FBXL7: variants seen among roughly 807,000 people sequenced by gnomAD.
The protein encoded by FBXL7 is F-box/LRR-repeat protein 7.
A neutral mutation model predicts 38.3 loss-of-function variants in FBXL7; 12 were observed. That is an observed-to-expected ratio of 0.31 (90% CI 0.20 to 0.51). FBXL7 has a LOEUF of 0.51. Among genes scored for constraint, FBXL7 ranks in the 20% least tolerant of loss-of-function variants. The pLI is 0.98. For synonymous variants in FBXL7, 297 were observed against 300.9 expected, an observed-to-expected ratio of 0.99 and a Z score of 0.13; for missense variants, 567 against 676.4, an observed-to-expected ratio of 0.84 and a Z score of 1.79.
intron 1 of FBXL7, among the ~76,000 whole-genome samples, chr5:15,553,874 C>A (rs1738157080): frequency 6.6e-6 from 1 of 152,164 alleles, no homozygotes; most frequent in Non-Finnish European, 1.5e-5. Flanking sequence ...TGCTCCTGTT[C>A]TTCAGCTCTT....
Position 15,936,596 on chromosome 5 carries a change from C to T in FBXL7, c.886C>T (p.His296Tyr), listed in dbSNP as rs1742194874. ...CGAAGGCCTGCACACCATCGCGGCG[C>T]ACTGCACGCAGCTCACCCACCTCTA... ...EDEGLHTIAA[H>Y]CTQLTHLYLR... is the part of the protein sequence containing the mutation. The change falls in exon 4 of 4, where the codon CAC becomes TAC. Residue 296 changes from histidine (H) to tyrosine (Y), a missense_variant. By Grantham distance (83) the His-to-Tyr change is moderately conservative (BLOSUM62 2). Coordinates refer to ENST00000504595, the MANE Select transcript of FBXL7 (RefSeq NM_012304.5). This position sits in a 1 kb window ranked among gnomAD's most constrained non-coding sequence, Gnocchi z 6.0. The T allele has an allele frequency of 6.2e-7, 1 of 1,611,364 alleles. No individual in the cohort carries two copies. Among genetic ancestry groups the T allele is most frequent in the South Asian group, 1.1e-5 (1 of 91,076 alleles).
intron 2 of FBXL7, among the ~76,000 whole-genome samples, chr5:15,693,247 C>G (rs1309269134): frequency 1.3e-5 from 2 of 152,104 alleles, no homozygotes; most frequent in African/African-American, 4.8e-5. Flanking sequence ...AGAGCCTGGA[C>G]CACTGGAATG....
At chr5:15,719,282 T>C (rs1274774407) in intron 2 of FBXL7, among the ~76,000 whole-genome samples, 1 of 152,192 alleles carries the variant, frequency 6.6e-6, no homozygotes, top group Non-Finnish European at 1.5e-5. Context: ...CTCTTGTCGT[T>C]CTGTATCCTA....
chr5:15,659,461 C>T (rs1324676250), intron 2 of FBXL7, among the ~76,000 whole-genome samples: 1 of 152,180 alleles, frequency 6.6e-6, no homozygotes, highest in African/African-American at 2.4e-5. Flanking sequence ...GCTTAGGGCC[C>T]TGTGACCTGA....
At chr5:15,626,125 T>C (rs1395135413) in intron 2 of FBXL7, among the ~76,000 whole-genome samples, 2 of 152,158 alleles carry the variant, frequency 1.3e-5, no homozygotes, top group African/African-American at 4.8e-5. Context: ...CTCAGGATCA[T>C]TTAGGAAAGC....
At chr5:15,629,902 G>C (rs977770118) in intron 2 of FBXL7, among the ~76,000 whole-genome samples, 6 of 152,142 alleles carry the variant, frequency 3.9e-5, no homozygotes, top group Non-Finnish European at 8.8e-5. Context: ...ATAAATGAGA[G>C]ATGTAGTTAC....
intron 2 of FBXL7, among the ~76,000 whole-genome samples, chr5:15,734,263 C>A (rs1735691074): frequency 6.6e-6 from 1 of 152,242 alleles, no homozygotes; most frequent in South Asian, 2.1e-4. Flanking sequence ...TGCTGCCTCA[C>A]CGTGGCGCTG....
chr5:15,639,373 G>A (rs928810493), intron 2 of FBXL7, among the ~76,000 whole-genome samples: 1 of 152,114 alleles, frequency 6.6e-6, no homozygotes, highest in Non-Finnish European at 1.5e-5. Context: ...TTGAATCATG[G>A]GGGTGGGTCT....
chr5:15,632,592 A>G (rs951097396), intron 2 of FBXL7, among the ~76,000 whole-genome samples: 1 of 152,212 alleles, frequency 6.6e-6, no homozygotes, highest in Non-Finnish European at 1.5e-5. Context: ...AGCACTATTC[A>G]TAGTAGCAAA....
At chr5:15,597,837 A>C (rs1403290687) in intron 1 of FBXL7, among the ~76,000 whole-genome samples, 1 of 152,226 alleles carries the variant, frequency 6.6e-6, no homozygotes, top group African/African-American at 2.4e-5. Context: ...AATAACAGCT[A>C]TCCCTGGACT....
intron 2 of FBXL7, among the ~76,000 whole-genome samples, chr5:15,840,845 CAAAAAAAA>C (rs34448584): frequency 2.4e-5 from 2 of 83,338 alleles, no homozygotes; most frequent in African/African-American, 4.5e-5. Flanking sequence ...GACTCTGTCT[CAAAAAAAA>C]AAAAAAAAAA....
chr5:15,924,858 C>T (rs984956700), intron 2 of FBXL7, among the ~76,000 whole-genome samples: 4 of 152,138 alleles, frequency 2.6e-5, no homozygotes, highest in Non-Finnish European at 5.9e-5. Flanking sequence ...AACTCTTGGC[C>T]TCAAGTGATC....
At chr5:15,653,040 AAAAC>A (rs538176626) in intron 2 of FBXL7, among the ~76,000 whole-genome samples, 61 of 152,330 alleles carry the variant, frequency 4.0e-4, no homozygotes, top group Non-Finnish European at 7.4e-4. Flanking sequence ...ATTAAAAACA[AAAAC>A]AAAATCCCAA....
chr5:15,736,877 C>A (rs962064888), intron 2 of FBXL7, among the ~76,000 whole-genome samples: 3 of 152,214 alleles, frequency 2.0e-5, no homozygotes, highest in Non-Finnish European at 4.4e-5. Flanking sequence ...CCACTCATGA[C>A]TACTGAGAGT....
chr5:15,836,330 C>CA (rs1234395323), intron 2 of FBXL7, among the ~76,000 whole-genome samples: 1 of 151,912 alleles, frequency 6.6e-6, no homozygotes, highest in African/African-American at 2.4e-5. Context: ...CAATAAGAAA[C>CA]ATGAAAAATG....
intron 2 of FBXL7, among the ~76,000 whole-genome samples, chr5:15,793,608 A>G (rs1487005896): frequency 6.6e-6 from 1 of 152,196 alleles, no homozygotes; most frequent in African/African-American, 2.4e-5. Context: ...GAGGCAACCC[A>G]CTGTGGGTAG....
intron 2 of FBXL7, among the ~76,000 whole-genome samples, chr5:15,888,423 T>G (rs1740769567): frequency 6.6e-6 from 1 of 151,938 alleles, no homozygotes; most frequent in African/African-American, 2.4e-5. Flanking sequence ...GAAATGGGAT[T>G]TCACCGTGTT....
At chr5:15,864,394 T>C (rs1020938630) in intron 2 of FBXL7, among the ~76,000 whole-genome samples, 6 of 151,652 alleles carry the variant, frequency 4.0e-5, no homozygotes, top group Non-Finnish European at 8.8e-5. Context: ...ATTAGAATTG[T>C]AAATCAAACT....
intron 2 of FBXL7, among the ~76,000 whole-genome samples, chr5:15,896,566 G>T (rs1162759524): frequency 1.3e-5 from 2 of 152,134 alleles, no homozygotes; most frequent in African/African-American, 2.4e-5. Context: ...CAGCTGGAAA[G>T]CCCAGATCAC....
Sources: allele counts gnomAD v4.1 joint callset (sites outside exome capture counted in the v4.1 genomes callset), GRCh38; gene constraint gnomAD v4.1.1; non-coding constraint Gnocchi (gnomAD v3.1); transcripts MANE v1.5; gene names NCBI Gene and HGNC (gene_info 2026-07-23, HGNC 2026-07-21).